ZNF248: variants seen among roughly 807,000 people sequenced by gnomAD.
The protein encoded by ZNF248 is zinc finger protein 248, also known as KRAB protein domain.
ZNF248 carries 20 observed loss-of-function variants against 44.3 expected under a neutral mutation model. The ratio of observed to expected loss-of-function variants is 0.45; its 90% CI spans 0.32 to 0.66. The LOEUF is 0.66. Ranked by LOEUF, ZNF248 falls within the 30% of genes least tolerant of loss-of-function variation. ZNF248 has a pLI of 0.04. For missense variants in ZNF248, 654 were observed against 677.0 expected, an observed-to-expected ratio of 0.97 and a Z score of 0.38; for synonymous variants, 224 against 229.0, an observed-to-expected ratio of 0.98 and a Z score of 0.20.
intron 6 of ZNF248, among the ~76,000 whole-genome samples, chr10:37,806,929 T>C (rs1414029286): frequency 6.6e-6 from 1 of 152,090 alleles, no homozygotes; most frequent in Admixed American, 6.6e-5. Context: ...GAACATGGTG[T>C]TAGGTAAAAA....
chr10:37,768,216 A>C, the ZNF248 span, among the ~76,000 whole-genome samples: 1 of 152,200 alleles, frequency 6.6e-6, no homozygotes, highest in Non-Finnish European at 1.5e-5. Context: ...AGATAGATCA[A>C]TGAGACAGAA....
intron 5 of ZNF248, among the ~76,000 whole-genome samples, chr10:37,836,980 G>A (rs970973212): frequency 6.6e-6 from 1 of 151,506 alleles, no homozygotes; most frequent in Non-Finnish European, 1.5e-5. Flanking sequence ...ACAACGGAAG[G>A]AAGGCAAACA....
chr10:37,759,148 G>A, the ZNF248 span, among the ~76,000 whole-genome samples: 3 of 152,316 alleles, frequency 2.0e-5, no homozygotes, highest in Admixed American at 2.0e-4. Context: ...GGCTCTCAGA[G>A]CAGATTTGAA....
chr10:37,841,103 CA>C (rs2058262439), intron 3 of ZNF248, among the ~76,000 whole-genome samples: 1 of 152,180 alleles, frequency 6.6e-6, no homozygotes, highest in Non-Finnish European at 1.5e-5. Flanking sequence ...GATGAAAAGG[CA>C]TATGTTCACA....
At chr10:37,769,395 C>T in the ZNF248 span, among the ~76,000 whole-genome samples, 1 of 152,128 alleles carries the variant, frequency 6.6e-6, no homozygotes, top group South Asian at 2.1e-4. Context: ...CAAACCGAAT[C>T]CAGCAGCACA....
chr10:37,815,272 C>G (rs993253168), intron 6 of ZNF248, among the ~76,000 whole-genome samples: 1 of 151,228 alleles, frequency 6.6e-6, no homozygotes, highest in African/African-American at 2.4e-5. Flanking sequence ...ACCATGTTGG[C>G]CAGGCTAGTC....
chr10:37,853,416 C>T (rs2060673621), intron 3 of ZNF248, among the ~76,000 whole-genome samples: 2 of 152,208 alleles, frequency 1.3e-5, no homozygotes, highest in South Asian at 2.1e-4. Flanking sequence ...CTCGCTCTGT[C>T]GCCCAGGCTG....
intron 6 of ZNF248, among the ~76,000 whole-genome samples, chr10:37,780,885 G>T (rs1368865740): frequency 6.6e-6 from 1 of 152,172 alleles, no homozygotes; most frequent in Non-Finnish European, 1.5e-5. Context: ...AGAGCTGAAG[G>T]TTCCGGGGCG....
intron 5 of ZNF248, among the ~76,000 whole-genome samples, chr10:37,834,236 G>T (rs2056607680): frequency 6.6e-6 from 1 of 152,034 alleles, no homozygotes; most frequent in Non-Finnish European, 1.5e-5. Flanking sequence ...CCATCTTTTA[G>T]AAGTTACTGT....
chr10:37,808,663 G>A (rs1294589512), intron 6 of ZNF248, among the ~76,000 whole-genome samples: 1 of 151,968 alleles, frequency 6.6e-6, no homozygotes, highest in African/African-American at 2.4e-5. Flanking sequence ...GGTTCATAAG[G>A]GATATTACTG....
chr10:37,852,528 G>A (rs890307029), intron 3 of ZNF248, among the ~76,000 whole-genome samples: 6 of 151,824 alleles, frequency 4.0e-5, no homozygotes, highest in Non-Finnish European at 7.4e-5. Flanking sequence ...GCTATAAAAA[G>A]GGCAACAGGA....
Position 37,850,860 on chromosome 10 carries a change from CA to C in ZNF248, c.15+5435del, listed in dbSNP as rs953979447. Reference sequence around the variant, plus strand: ...CATATAAAACTATATAATTTTTAGACAAAAAAAAAGAGAAAATCTTTGCCTA... The same window carrying C: ...CATATAAAACTATATAATTTTTAGACAAAAAAAAGAGAAAATCTTTGCCTA... On this transcript the variant is annotated intron_variant, in intron 3 of 5. Coordinates refer to ENST00000395867, the MANE Select transcript of ZNF248 (RefSeq NM_021045.3). Among the ~76,000 whole-genome samples the C allele has an allele frequency of 5.5e-4, 82 of 149,146 alleles. 1 individual carries two copies. Among genetic ancestry groups the C allele is most frequent in the African/African-American group, 1.7e-3 (70 of 40,720 alleles).
intron 6 of ZNF248, among the ~76,000 whole-genome samples, chr10:37,812,152 G>A (rs960577504): frequency 3.3e-5 from 5 of 151,890 alleles, no homozygotes; most frequent in Non-Finnish European, 5.9e-5. Context: ...TGAGAGGATC[G>A]ATTGATCCCA....
At chr10:37,767,959 A>G in the ZNF248 span, among the ~76,000 whole-genome samples, 1 of 152,212 alleles carries the variant, frequency 6.6e-6, no homozygotes, top group African/African-American at 2.4e-5. Flanking sequence ...AAACAAAAAA[A>G]GGGAGGGGTT....
chr10:37,768,030 G>C, the ZNF248 span, among the ~76,000 whole-genome samples: 1 of 152,134 alleles, frequency 6.6e-6, no homozygotes, highest in African/African-American at 2.4e-5. Flanking sequence ...AGACAAAGAA[G>C]GCCATTACGT....
the ZNF248 span, among the ~76,000 whole-genome samples, chr10:37,764,826 T>C: frequency 1.4e-4 from 22 of 152,222 alleles, no homozygotes; most frequent in African/African-American, 5.3e-4. Flanking sequence ...TCATATTTTG[T>C]GGGAGAAAGA....
chr10:37,760,172 C>T, the ZNF248 span, among the ~76,000 whole-genome samples: 1 of 152,120 alleles, frequency 6.6e-6, no homozygotes, highest in Admixed American at 6.5e-5. Context: ...GTAAATAAAA[C>T]CTTTAACAAA....
chr10:37,800,349 A>G (rs757311039), intron 6 of ZNF248, among the ~76,000 whole-genome samples: 5 of 152,150 alleles, frequency 3.3e-5, no homozygotes, highest in Non-Finnish European at 7.4e-5. Context: ...GCTCCCTCTT[A>G]TAAGTAAGAA....
chr10:37,833,539 T>C (rs1475438475), intron 5 of ZNF248, among the ~76,000 whole-genome samples: 1 of 152,116 alleles, frequency 6.6e-6, no homozygotes. Context: ...TTAGGTTTGG[T>C]GGAGACAAAA....
Sources: allele counts gnomAD v4.1 joint callset (sites outside exome capture counted in the v4.1 genomes callset), GRCh38; gene constraint gnomAD v4.1.1; transcripts MANE v1.5; gene names NCBI Gene and HGNC (gene_info 2026-07-23, HGNC 2026-07-21).